The following CTNNA2 variants were observed in gnomAD, a reference collection of about 807,000 sequenced individuals.
CTNNA2 encodes the protein catenin alpha-2.
Under a neutral mutation model 101.0 loss-of-function variants are expected in CTNNA2, and 42 were observed. The observed-to-expected ratio is 0.42, with a 90% CI of 0.32 to 0.54. The LOEUF is 0.54. CTNNA2 is among the 20% of genes least tolerant of loss of function. CTNNA2 has a pLI of 0.14. For missense variants in CTNNA2, 871 were observed against 1,223.1 expected, an observed-to-expected ratio of 0.71 and a Z score of 4.29; for synonymous variants, 450 against 456.4, an observed-to-expected ratio of 0.99 and a Z score of 0.18.
At chr2:80,589,905 T>TGC (rs1491295632) in intron 15 of CTNNA2, among the ~76,000 whole-genome samples, 324 of 114,548 alleles carry the variant, frequency 2.8e-3, no homozygotes, top group African/African-American at 7.7e-3. Context: ...TGTGTGTGTG[T>TGC]GCGCGCGCGC....
At chr2:79,636,658 AC>A (rs1187256536) in intron 1 of CTNNA2, among the ~76,000 whole-genome samples, 1 of 152,168 alleles carries the variant, frequency 6.6e-6, no homozygotes, top group Non-Finnish European at 1.5e-5. Flanking sequence ...TCATTATGTA[AC>A]TAGAATATAT....
chr2:79,719,348 G>A (rs1479942751), intron 2 of CTNNA2, among the ~76,000 whole-genome samples: 1 of 152,118 alleles, frequency 6.6e-6, no homozygotes, highest in African/African-American at 2.4e-5. Context: ...TGATGTTGCT[G>A]TTGTGAACAG....
chr2:79,692,315 G>A lies in CTNNA2; in HGVS notation c.102+40657G>A, dbSNP rs139078595. Among the ~76,000 whole-genome samples the A allele has an allele frequency of 7.4e-3, 1,125 of 152,136 alleles. 40 individuals carry two copies. In the East Asian group the frequency reaches 0.099, roughly 13 times the overall value. On this transcript the variant is annotated intron_variant, in intron 2 of 18. Transcript: ENST00000402739. Reference sequence around the variant, plus strand: ...TAGAGAAATGCAAATCAAAACCACAGTGAGATACCATCTCATGCCAGTTAG... The same window carrying A: ...TAGAGAAATGCAAATCAAAACCACAATGAGATACCATCTCATGCCAGTTAG...
intron 9 of CTNNA2, among the ~76,000 whole-genome samples, chr2:80,485,360 A>T (rs1686488713): frequency 6.6e-6 from 1 of 152,200 alleles, no homozygotes; most frequent in Admixed American, 6.5e-5. Flanking sequence ...TACTTTTCTG[A>T]TAACTCCATA....
intron 7 of CTNNA2, among the ~76,000 whole-genome samples, chr2:79,915,406 T>C (rs1402109499): frequency 1.3e-5 from 2 of 152,214 alleles, no homozygotes; most frequent in African/African-American, 2.4e-5. Context: ...CTTTACTCAA[T>C]ATATTGTGAA....
In CTNNA2 at chr2:79,784,554, T is replaced by C. The variant is rs1171650908; in HGVS notation, c.298+39972T>C. On this transcript the variant is annotated intron_variant, in intron 3 of 18. Transcript: ENST00000402739. ...GTTCAAAGCCAAATTTCTGTTTTTT[T>C]CTCCCCAAACCTGCTCTTGCCCCAG... Among the ~76,000 whole-genome samples, 3 of 151,394 alleles carry C rather than the reference T, an allele frequency of 2.0e-5. 1 individual carries two copies. The South Asian group carries it at 6.3e-4, about 32-fold the overall frequency.
At chr2:80,183,327 T>G (rs1167854408) in intron 7 of CTNNA2, among the ~76,000 whole-genome samples, 1 of 151,918 alleles carries the variant, frequency 6.6e-6, no homozygotes, top group Non-Finnish European at 1.5e-5. Flanking sequence ...CAGCTTGGGT[T>G]TTCTTTTCTG....
At chr2:80,062,284 G>A (rs1465427508) in intron 7 of CTNNA2, among the ~76,000 whole-genome samples, 1 of 152,188 alleles carries the variant, frequency 6.6e-6, no homozygotes, top group African/African-American at 2.4e-5. Flanking sequence ...CTTTCTTGAA[G>A]TAGTCTTATT....
Position 80,302,517 on chromosome 2 carries a change from G to A in CTNNA2, c.1057-90694G>A, listed in dbSNP as rs772238456. ...ACCACGATGAGGAAGGAGAAGATGA[G>A]GGCCATGGTGCCCGTGACCACCTTG... On this transcript the variant is annotated intron_variant, in intron 7 of 18. Transcript: ENST00000402739. The surrounding 1 kb of genome is among the most constrained non-coding windows in gnomAD (Gnocchi z 6.4). The A allele has an allele frequency of 6.2e-7, 1 of 1,612,680 alleles. No individual in the cohort carries two copies. The highest frequency in any genetic ancestry group is 1.1e-5 in the South Asian group (1 of 91,086).
intron 7 of CTNNA2, among the ~76,000 whole-genome samples, chr2:80,124,294 G>C (rs1224293879): frequency 1.3e-5 from 2 of 151,992 alleles, no homozygotes; most frequent in Non-Finnish European, 2.9e-5. Context: ...TCTAGGCCCA[G>C]GTGCCATCTT....
At chr2:80,101,265 A>G (rs934683170) in intron 7 of CTNNA2, among the ~76,000 whole-genome samples, 6 of 152,206 alleles carry the variant, frequency 3.9e-5, no homozygotes, top group African/African-American at 1.4e-4. Context: ...CACAGTGAAC[A>G]TTCTAAAATG....
In CTNNA2 at chr2:80,383,500, G is replaced by T. The variant is rs566783726; in HGVS notation, c.1057-9711G>T. 3.3e-5 allele frequency among the ~76,000 whole-genome samples: 5 copies of T among 152,256 alleles called. No individual in the cohort carries two copies. In the East Asian group the frequency reaches 9.7e-4, roughly 29 times the overall value. On this transcript the variant is annotated intron_variant, in intron 7 of 18. Coordinates refer to ENST00000402739, the MANE Select transcript of CTNNA2 (RefSeq NM_001282597.3). The stretch of plus-strand genomic sequence containing the variant: ...ACAAAAACTTATTAGGTAACACTAG[G>T]TAGCATACTGTAAATATATGCATGG...
rs1229216251 is a variant in CTNNA2, at chr2:79,411,110, G to C, written c.-135+37097G>C. On this transcript the variant is annotated intron_variant, in intron 4 of 21. Transcript: ENST00000466387. ...CTTAGAGTTGTTTCTGGTATTCTCA[G>C]ATGGTAGTTTGTATTTCTGTGGGAT... Among the ~76,000 whole-genome samples the C allele has an allele frequency of 3.3e-5, 5 of 152,144 alleles. No individual in the cohort carries two copies. The South Asian group carries it at 8.3e-4, about 25-fold the overall frequency.
intron 7 of CTNNA2, among the ~76,000 whole-genome samples, chr2:80,045,665 AT>A (rs1308180774): frequency 2.0e-5 from 3 of 151,988 alleles, no homozygotes; most frequent in Admixed American, 6.6e-5. Flanking sequence ...TCCTGATGCC[AT>A]TTTTTTTCTG....
intron 2 of CTNNA2, among the ~76,000 whole-genome samples, chr2:79,677,519 A>G (rs1683267291): frequency 6.6e-6 from 1 of 152,196 alleles, no homozygotes. Flanking sequence ...ACACACGTTA[A>G]TATTTTAAAC....
At chr2:80,522,198 G>T (rs1256808709) in intron 9 of CTNNA2, among the ~76,000 whole-genome samples, 1 of 152,152 alleles carries the variant, frequency 6.6e-6, no homozygotes, top group Non-Finnish European at 1.5e-5. Flanking sequence ...CTACTCATTT[G>T]CAGAGAGAGT....
At position 79,466,338 on chromosome 2, in the gene CTNNA2, C is replaced by A. The variant is rs563833255; in HGVS notation, c.-134-38716C>A. 5.2e-4 allele frequency among the ~76,000 whole-genome samples: 79 copies of A among 152,270 alleles called. 1 individual carries two copies. In the East Asian group the frequency reaches 0.011, roughly 21 times the overall value. ...TGGCAGCAAGGCTGGGGGAGGGGTC[C>A]CCGCCATTGCTGAGGTTTGAGTAGG... On this transcript the variant is annotated intron_variant, in intron 4 of 21. Transcript: ENST00000466387.
At chr2:80,078,475 A>G (rs868088234) in intron 7 of CTNNA2, among the ~76,000 whole-genome samples, 34 of 152,190 alleles carry the variant, frequency 2.2e-4, no homozygotes, top group Middle Eastern at 3.2e-3. Context: ...AAAAGTGGAC[A>G]TGGGTCATGT....
chr2:79,475,966 T>TA (rs1671046319), intron 4 of CTNNA2, among the ~76,000 whole-genome samples: 1 of 152,136 alleles, frequency 6.6e-6, no homozygotes, highest in African/African-American at 2.4e-5. Context: ...TTTCTGTAGA[T>TA]AAAAAATGTA....
Sources: allele counts gnomAD v4.1 joint callset (sites outside exome capture counted in the v4.1 genomes callset), GRCh38; gene constraint gnomAD v4.1.1; non-coding constraint Gnocchi (gnomAD v3.1); transcripts MANE v1.5; gene names NCBI Gene and HGNC (gene_info 2026-07-23, HGNC 2026-07-21).